EPS8L2: variants seen among roughly 807,000 people sequenced by gnomAD.
EPS8L2 encodes the protein epidermal growth factor receptor kinase substrate 8-like protein 2.
A neutral mutation model predicts 99.4 loss-of-function variants in EPS8L2; 81 were observed. That is an observed-to-expected ratio of 0.82 (90% confidence interval 0.68 to 0.98). The LOEUF (loss-of-function observed/expected upper bound fraction) is 0.98, where lower values mean the gene tolerates loss of function less well. Ranked by LOEUF, EPS8L2 falls within the 50% of genes least tolerant of loss-of-function variation. EPS8L2 has a pLI of 0.00. For missense variants in EPS8L2, 1,155 were observed against 968.8 expected (o/e 1.19, Z -2.55); for synonymous variants, 509 against 407.3 (o/e 1.25, Z -3.01).
At chr11:720,943 C>CG (rs1554952054) in intron 7 of EPS8L2, 34 bp downstream of exon 7, 3 of 503,060 alleles carry the variant, frequency 6.0e-6, no homozygotes, top group East Asian at 1.2e-4. Context: ...TCGCAGGGGG[C>CG]GGGGAGGGGA....
In EPS8L2 at chr11:724,562, A is replaced by G. The variant is rs997776907; in HGVS notation, c.1455-162A>G. The G allele has an allele frequency of 3.3e-6, 2 of 614,624 alleles. No homozygotes were observed. Among genetic ancestry groups the G allele is most frequent in the Non-Finnish European group, 5.8e-6 (2 of 343,788 alleles). 38.1% of individuals were successfully genotyped at this position (614,624 alleles called of 1,614,324 possible). A position where few individuals can be genotyped will look rare whatever the true frequency, so the allele number is the denominator to read the frequency against. On this transcript the variant is annotated intron_variant, in intron 15 of 20. Coordinates refer to ENST00000318562, the MANE Select transcript of EPS8L2 (RefSeq NM_022772.4). This position sits in a 1 kb window ranked among gnomAD's most constrained non-coding sequence, Gnocchi z 5.5. ...AAGCTCTGGGGCTGTCACAGTTTCC[A>G]TTCCGGGCTGACGCTGCCTGCAGCC... is the stretch of plus-strand genomic sequence containing the variant.
At chr11:709,918 C>T (rs1861838417) in intron 3 of EPS8L2, 1 of 486,938 alleles carries the variant, frequency 2.1e-6, no homozygotes, top group South Asian at 2.3e-5. Flanking sequence ...GGTGTCTGCT[C>T]CAGGAGGGGG....
chr11:713,968 C>T (rs542820868), intron 4 of EPS8L2, among the ~76,000 whole-genome samples: 3 of 152,334 alleles, frequency 2.0e-5, no homozygotes, highest in Non-Finnish European at 4.4e-5. Context: ...CAGTGCCTGA[C>T]CTCAGGTGAT....
chr11:726,288 TCG>T lies in EPS8L2; in HGVS notation c.1754-10_1754-9del. 1.9e-6 allele frequency: 3 copies of T among 1,590,872 alleles called. No homozygotes were observed. The highest frequency in any genetic ancestry group is 2.6e-6 in the Non-Finnish European group (3 of 1,170,070). On this transcript the variant is annotated splice_polypyrimidine_tract_variant and intron_variant, in intron 18 of 20. Coordinates refer to ENST00000318562, the MANE Select transcript of EPS8L2 (RefSeq NM_022772.4). Reference sequence around the variant, plus strand: ...GGGGCAAGGCAGCGGCGGGCCTGAGTCGCGCGCCCCCTCAGAGCTCATGCAGC... The same window carrying T: ...GGGGCAAGGCAGCGGCGGGCCTGAGTCGCGCCCCCTCAGAGCTCATGCAGC...
At position 725,789 on chromosome 11, in the gene EPS8L2, T is replaced by TA; in HGVS notation, c.1622_1623insA (p.Pro542AlafsTer229). 7.3e-7 allele frequency: 1 copy of TA among 1,372,472 alleles called. No individual in the cohort carries two copies. The allele number at this position is 1,372,472 out of a possible 1,614,324, so 85.0% of individuals were successfully genotyped here. ...AGCCGCAGCGGCCAGGCGGGGTACG[T>TA]GCCCTGCAACATCCTAGGCGAGGCG... On this transcript the variant is annotated frameshift_variant, in exon 17 of 21. Coordinates refer to ENST00000318562, the MANE Select transcript of EPS8L2 (RefSeq NM_022772.4). LOFTEE classifies it high-confidence loss of function.
chr11:720,958 C>CCCAGCAGGGGAGGGGAGGAG, intron 7 of EPS8L2, 49 bp downstream of exon 7: 1 of 1,015,864 alleles, frequency 9.8e-7, no homozygotes, highest in South Asian at 1.5e-5. Flanking sequence ...AGGGGAGGAG[C>CCCAGCAGGGGAGGGGAGGAG]CCGGCAGGGG....
rs756793071 is a variant in EPS8L2, at chr11:721,643, C to T, written c.847C>T (p.Leu283=). ...LQKAAEAFKQ[L]NQRKKGKKKG... Reference sequence around the variant, plus strand: ...GAAGGCAGCCGAGGCTTTCAAGCAGCTGAACCAGCGGAAAAAGGGGAAGAA... The same window carrying T: ...GAAGGCAGCCGAGGCTTTCAAGCAGTTGAACCAGCGGAAAAAGGGGAAGAA... Residue 283 remains leucine (L), a synonymous_variant, in exon 10 of 21, where the codon CTG becomes TTG. Transcript: ENST00000318562. 3 of 1,584,718 alleles carry T rather than the reference C, an allele frequency of 1.9e-6. No homozygotes were observed. The South Asian group carries it at 3.4e-5, about 18-fold the overall frequency.
rs777335044 is a variant in EPS8L2 at position 720,943 on chromosome 11, C to CGGGGAGGGGAGGAGCCCGGCA, written c.557+51_557+71dup. On this transcript the variant is annotated intron_variant, in intron 7 of 20. Transcript: ENST00000318562. ...GCGGGCGGAGCGGGGTCGCAGGGGGCGGGGAGGGGAGGAGCCCGGCAGGGG... is the reference window on the plus strand; with the variant it reads ...GCGGGCGGAGCGGGGTCGCAGGGGGCGGGGAGGGGAGGAGCCCGGCAGGGGAGGGGAGGAGCCCGGCAGGGG... 2,203 of 502,396 alleles carry CGGGGAGGGGAGGAGCCCGGCA rather than the reference C, an allele frequency of 4.4e-3. 155 individuals are homozygous for CGGGGAGGGGAGGAGCCCGGCA. Among genetic ancestry groups the CGGGGAGGGGAGGAGCCCGGCA allele is most frequent in the South Asian group, 0.012 (532 of 43,388 alleles). The allele number at this position is 502,396 out of a possible 1,614,324, so 31.1% of individuals were successfully genotyped here.
chr11:727,168 C>A lies in EPS8L2; in HGVS notation c.*187C>A, dbSNP rs1049474207. ...GCCAAACAGTACCCAAGGCCTCAGC[C>A]CACACCAAGACTAATCTCAGCCAAA... On this transcript the variant is annotated 3_prime_UTR_variant, in exon 21 of 21. Transcript: ENST00000318562. 4.1e-5 allele frequency: 23 copies of A among 557,254 alleles called. No individual in the cohort carries two copies. In the East Asian group the frequency reaches 6.8e-4, roughly 17 times the overall value. 34.5% of individuals were successfully genotyped at this position (557,254 alleles called of 1,614,324 possible).
Position 726,670 on chromosome 11 carries a change from C to A in EPS8L2, c.1986C>A (p.Asn662Lys). The change falls in exon 20 of 21, where the codon AAC (asparagine) becomes AAA (lysine). Residue 662 changes from asparagine to lysine, a missense_variant. Asn to Lys is a moderately conservative substitution (Grantham distance 94). Coordinates refer to ENST00000318562, the MANE Select transcript of EPS8L2 (RefSeq NM_022772.4). ...CCGGGCCGCAGCTCTTCTCCCTCAA[C>A]AAGGAGGAGCTGAAGAAAGTGTGCG... Reference protein sequence around the residue: ...ILTGPQLFSLNKEELKKVCGE... With the variant: ...ILTGPQLFSLKKEELKKVCGE... 2 of 1,573,284 alleles carry A rather than the reference C, an allele frequency of 1.3e-6. No homozygotes were observed. Among genetic ancestry groups the A allele is most frequent in the South Asian group, 2.3e-5 (2 of 85,676 alleles).
rs750022514 is a variant in EPS8L2, at chr11:720,122, C to T, written c.226C>T (p.Arg76Trp). The change falls in exon 5 of 21, where the codon CGG (arginine) becomes TGG (tryptophan). Residue 76 changes from arginine to tryptophan, a missense_variant. Transcript: ENST00000318562. ...CATCACGTCTGTGGACGACGCCATC[C>T]GGAAGCTGGTGCAGCTGAGCTCCAA... ...EAITSVDDAI[R>W]KLVQLSSKEK... 2.3e-5 allele frequency: 37 copies of T among 1,613,278 alleles called. No homozygotes were observed. Among genetic ancestry groups the T allele is most frequent in the Admixed American group, 1.8e-4 (11 of 59,996 alleles).
chr11:715,104 G>T (rs533990669), intron 4 of EPS8L2, among the ~76,000 whole-genome samples: 8 of 152,142 alleles, frequency 5.3e-5, no homozygotes, highest in Admixed American at 1.3e-4. Context: ...TAGCCAGGTG[G>T]GATGGCGGGT....
chr11:719,821 G>A (rs1373860337), intron 4 of EPS8L2, among the ~76,000 whole-genome samples: 3 of 152,162 alleles, frequency 2.0e-5, no homozygotes, highest in Non-Finnish European at 2.9e-5. Context: ...GGATGGTGGC[G>A]CGGGGCCGGG....
chr11:725,593 G>A, intron 16 of EPS8L2, 135 bp from the exon 17 acceptor site: 1 of 803,640 alleles, frequency 1.2e-6, no homozygotes, highest in Non-Finnish European at 1.7e-6. Context: ...TGGAAACAGG[G>A]GTGCGGAGAG....
In EPS8L2 at chr11:710,025, A is replaced by G. The variant is rs1861842811; in HGVS notation, c.101-397A>G. Reference sequence around the variant, plus strand: ...GCACCCTTCACTTATGTCTTTGGACAAGGTGCCTAGTCTGGAAAGCGAGAA... The same window carrying G: ...GCACCCTTCACTTATGTCTTTGGACGAGGTGCCTAGTCTGGAAAGCGAGAA... On this transcript the variant is annotated intron_variant, in intron 3 of 20. Transcript: ENST00000318562. 3.2e-5 allele frequency: 11 copies of G among 347,860 alleles called. No homozygotes were observed. The South Asian group carries it at 3.5e-4, about 11-fold the overall frequency. 21.5% of individuals were successfully genotyped at this position (347,860 alleles called of 1,614,324 possible). A position where few individuals can be genotyped will look rare whatever the true frequency, so the allele number is the denominator to read the frequency against.
intron 3 of EPS8L2, 51 bp downstream of exon 3, chr11:709,659 T>A: frequency 6.3e-7 from 1 of 1,587,764 alleles, no homozygotes; most frequent in Non-Finnish European, 8.6e-7. Flanking sequence ...AAATGGGCAC[T>A]GCATCCAGGT....
chr11:722,496 C>T lies in EPS8L2; in HGVS notation c.1155C>T (p.Val385=), dbSNP rs774030510. 2 of 1,613,442 alleles carry T rather than the reference C, an allele frequency of 1.2e-6. No individual in the cohort carries two copies. Among genetic ancestry groups the T allele is most frequent in the Non-Finnish European group, 1.7e-6 (2 of 1,179,930 alleles). ...DAVDFLRGHL[V]PKEMSLWESL... ...TGGACTTCCTGCGCGGCCACCTGGTCCCTAAGGAGATGTCGCTGTGGGAGT... is the reference window on the plus strand; with the variant it reads ...TGGACTTCCTGCGCGGCCACCTGGTTCCTAAGGAGATGTCGCTGTGGGAGT... The change falls in exon 13 of 21, where the codon GTC becomes GTT. Residue 385 remains valine (V), a synonymous_variant. Transcript: ENST00000318562.
intron 4 of EPS8L2, among the ~76,000 whole-genome samples, chr11:715,848 A>C (rs1340738949): frequency 2.0e-5 from 3 of 151,446 alleles, no homozygotes; most frequent in South Asian, 2.1e-4. Context: ...TCTCGATCTC[A>C]TGACCTCACG....
chr11:719,445 G>A (rs1862099803), intron 4 of EPS8L2, among the ~76,000 whole-genome samples: 1 of 152,242 alleles, frequency 6.6e-6, no homozygotes, highest in African/African-American at 2.4e-5. Flanking sequence ...CCTGGAAAGA[G>A]GAGAGGTGAA....
Sources: allele counts gnomAD v4.1 joint callset (sites outside exome capture counted in the v4.1 genomes callset), GRCh38; gene constraint gnomAD v4.1.1; non-coding constraint Gnocchi (gnomAD v3.1); transcripts MANE v1.5; gene names NCBI Gene and HGNC (gene_info 2026-07-23, HGNC 2026-07-21).